Variants in SHROOM3 observed in about 807,000 individuals in gnomAD.
The protein encoded by SHROOM3 is protein Shroom3.
SHROOM3 carries 47 observed loss-of-function variants against 138.6 expected under a neutral mutation model. The ratio of observed to expected loss-of-function variants is 0.34; its 90% CI spans 0.27 to 0.43. SHROOM3 has a LOEUF of 0.43. Among genes scored for constraint, SHROOM3 ranks in the 20% least tolerant of loss-of-function variants. The pLI is 1.00. For missense variants in SHROOM3, 2,491 were observed against 2,596.5 expected, an observed-to-expected ratio of 0.96 and a Z score of 0.88; for synonymous variants, 1,062 against 1,063.3, an observed-to-expected ratio of 1.00 and a Z score of 0.02.
chr4:76,615,007 A>G (rs777404617), intron 2 of SHROOM3, among the ~76,000 whole-genome samples: 148 of 152,326 alleles, frequency 9.7e-4, no homozygotes, highest in Non-Finnish European at 1.8e-3. Flanking sequence ...CCATTCTGGG[A>G]AAAATGACTG....
chr4:76,473,438 T>A (rs1731420032), intron 1 of SHROOM3, among the ~76,000 whole-genome samples: 1 of 151,950 alleles, frequency 6.6e-6, no homozygotes, highest in African/African-American at 2.4e-5. Context: ...TGAGACCCCA[T>A]CTCTATGAAA....
At chr4:76,607,436 G>A (rs983107682) in intron 2 of SHROOM3, among the ~76,000 whole-genome samples, 2 of 152,170 alleles carry the variant, frequency 1.3e-5, no homozygotes, top group African/African-American at 2.4e-5. Context: ...ATTCCCAGAC[G>A]TGGGATAGCA....
chr4:76,482,504 G>T (rs567694814), intron 1 of SHROOM3, among the ~76,000 whole-genome samples: 5 of 151,414 alleles, frequency 3.3e-5, no homozygotes, highest in Non-Finnish European at 7.4e-5. Context: ...GGAAATAAGA[G>T]AGGACAAATG....
intron 2 of SHROOM3, among the ~76,000 whole-genome samples, chr4:76,708,627 G>A (rs1720135411): frequency 6.6e-6 from 1 of 152,134 alleles, no homozygotes. Flanking sequence ...TGGATGGCGA[G>A]GTATCTTTCA....
intron 2 of SHROOM3, among the ~76,000 whole-genome samples, chr4:76,654,460 G>A (rs1412287161): frequency 6.6e-6 from 1 of 152,118 alleles, no homozygotes; most frequent in Non-Finnish European, 1.5e-5. Flanking sequence ...CCAAGTAGCT[G>A]GGACTACAGG....
intron 1 of SHROOM3, among the ~76,000 whole-genome samples, chr4:76,445,724 C>A (rs141408351): frequency 6.6e-6 from 1 of 152,206 alleles, no homozygotes; most frequent in South Asian, 2.1e-4. Context: ...GAGGGTAGAT[C>A]GCACCAAGAG....
intron 2 of SHROOM3, among the ~76,000 whole-genome samples, chr4:76,673,484 C>G (rs569088026): frequency 1.3e-5 from 2 of 151,876 alleles, no homozygotes; most frequent in African/African-American, 4.8e-5. Flanking sequence ...TCCTTTTTGT[C>G]TACATAAAGA....
chr4:76,527,182 G>A (rs1732709129), intron 1 of SHROOM3, among the ~76,000 whole-genome samples: 1 of 152,162 alleles, frequency 6.6e-6, no homozygotes, highest in Non-Finnish European at 1.5e-5. Flanking sequence ...AGGTTGGAGG[G>A]AAGATAAATA....
At chr4:76,449,563 C>T (rs1047197001) in intron 1 of SHROOM3, among the ~76,000 whole-genome samples, 1 of 152,214 alleles carries the variant, frequency 6.6e-6, no homozygotes, top group Non-Finnish European at 1.5e-5. Context: ...TGCTTCCCCA[C>T]AATGTGAATA....
At position 76,436,147 on chromosome 4, in the gene SHROOM3, T is replaced by C. The variant is rs151006726; in HGVS notation, c.95T>C (p.Leu32Pro). 41 of 1,613,890 alleles carry C rather than the reference T, an allele frequency of 2.5e-5. No homozygotes were observed. The highest frequency in any genetic ancestry group is 3.3e-5 in the Non-Finnish European group (39 of 1,179,916). The change falls in exon 1 of 11, where the codon CTG (leucine) becomes CCG (proline). Residue 32 changes from leucine to proline, a missense_variant. Physicochemically the swap from Leu to Pro is moderately conservative, Grantham distance 98. Around this residue, in one of 4 missense-constraint regions of SHROOM3, gnomAD observed 284 missense variants for 322.8 expected, o/e 0.88. Transcript: ENST00000296043. The part of the protein sequence containing the change: ...KGRYIYLEAF[L>P]EGGAPWGFTL... ...AGGTACATTTATCTGGAGGCATTCC[T>C]GGAGGGAGGAGCTCCCTGGGGTTTT...
chr4:76,584,427 G>A (rs1225574824), intron 2 of SHROOM3, among the ~76,000 whole-genome samples: 1 of 152,186 alleles, frequency 6.6e-6, no homozygotes, highest in Non-Finnish European at 1.5e-5. Flanking sequence ...ACAACCTGTT[G>A]AGGATGTTGT....
chr4:76,692,054 A>G (rs1407417144), intron 2 of SHROOM3, among the ~76,000 whole-genome samples: 3 of 152,144 alleles, frequency 2.0e-5, no homozygotes, highest in African/African-American at 7.2e-5. Context: ...CTTCTGTAGT[A>G]TCACTTGAAC....
chr4:76,470,794 A>C (rs1349409081), intron 1 of SHROOM3, among the ~76,000 whole-genome samples: 1 of 152,198 alleles, frequency 6.6e-6, no homozygotes, highest in East Asian at 1.9e-4. Context: ...TTGTTAGAGT[A>C]TTACCACCAA....
At chr4:76,492,300 T>A (rs1731870520) in intron 1 of SHROOM3, among the ~76,000 whole-genome samples, 1 of 152,246 alleles carries the variant, frequency 6.6e-6, no homozygotes, top group Non-Finnish European at 1.5e-5. Context: ...CTAATGAGAA[T>A]TAGCCTGCTT....
chr4:76,739,705 T>A lies in SHROOM3; in HGVS notation c.1532T>A (p.Met511Lys). 6.2e-7 allele frequency: 1 copy of A among 1,614,174 alleles called. No individual in the cohort carries two copies. Among genetic ancestry groups the A allele is most frequent in the Non-Finnish European group, 8.5e-7 (1 of 1,180,028 alleles). The change falls in exon 5 of 11, where the codon ATG (methionine) becomes AAG (lysine). Residue 511 changes from methionine to lysine, a missense_variant. Coordinates refer to ENST00000296043, the MANE Select transcript of SHROOM3 (RefSeq NM_020859.4). ...GCCCCTCAGGGAGCATGCAACAAGATGGCTACCATTGATGAGAATGGGAAC... is the reference window on the plus strand; with the variant it reads ...GCCCCTCAGGGAGCATGCAACAAGAAGGCTACCATTGATGAGAATGGGAAC... ...YIAPQGACNK[M>K]ATIDENGNQN...
chr4:76,712,176 G>C (rs538266272), intron 3 of SHROOM3, among the ~76,000 whole-genome samples: 4 of 152,198 alleles, frequency 2.6e-5, no homozygotes, highest in Admixed American at 1.3e-4. Flanking sequence ...CTCCAGCCTG[G>C]AAAGAAAATG....
At position 76,740,686 on chromosome 4, in the gene SHROOM3, C is replaced by G; in HGVS notation, c.2513C>G (p.Ala838Gly). Reference protein sequence around the residue: ...TKAHIRFSESAEPLGNGEQHF... With the variant: ...TKAHIRFSESGEPLGNGEQHF... ...GCACACATTCGTTTCTCTGAGTCAG[C>G]TGAACCCCTAGGCAACGGGGAGCAG... is the stretch of plus-strand genomic sequence containing the variant. Residue 838 changes from alanine (A) to glycine (G), a missense_variant, in exon 5 of 11, where the codon GCT (alanine) becomes GGT (glycine). Physicochemically the swap from Ala to Gly is moderately conservative, Grantham distance 60 (BLOSUM62 0). This residue lies in a region of SHROOM3 where 1,733 missense variants were observed against 1,661.6 expected (regional missense o/e 1.04). Transcript: ENST00000296043. This position sits in a 1 kb window ranked among gnomAD's most constrained non-coding sequence, Gnocchi z 4.0. 3.1e-6 allele frequency: 5 copies of G among 1,614,060 alleles called. No individual in the cohort carries two copies. The highest frequency in any genetic ancestry group is 4.2e-6 in the Non-Finnish European group (5 of 1,180,030).
chr4:76,742,068 A>T, intron 5 of SHROOM3, 142 bp downstream of exon 5: 1 of 1,139,252 alleles, frequency 8.8e-7, no homozygotes. Flanking sequence ...ATTTGTTTTC[A>T]TGAGTTGAGT....
intron 2 of SHROOM3, among the ~76,000 whole-genome samples, chr4:76,654,796 T>C (rs1471681607): frequency 6.6e-6 from 1 of 152,162 alleles, no homozygotes; most frequent in African/African-American, 2.4e-5. Context: ...AGGAAATATA[T>C]AGTGATGGTA....
Sources: allele counts gnomAD v4.1 joint callset (sites outside exome capture counted in the v4.1 genomes callset), GRCh38; gene constraint gnomAD v4.1.1; regional missense constraint gnomAD v4.1.1; non-coding constraint Gnocchi (gnomAD v3.1); transcripts MANE v1.5; gene names NCBI Gene and HGNC (gene_info 2026-07-23, HGNC 2026-07-21).